The following ZNF385D variants were observed in gnomAD, a reference collection of about 807,000 sequenced individuals.
ZNF385D encodes the protein zinc finger protein 385D.
In ZNF385D, 15 loss-of-function variants were observed where a neutral mutation model predicts 35.8. The ratio of observed to expected loss-of-function variants is 0.42; its 90% CI spans 0.28 to 0.64. The LOEUF (loss-of-function observed/expected upper bound fraction) is 0.64, where lower values mean the gene tolerates loss of function less well. ZNF385D is among the 30% of genes least tolerant of loss of function. The pLI is 0.23. For synonymous variants in ZNF385D, 212 were observed against 186.8 expected (o/e 1.13, Z -1.10); for missense variants, 474 against 494.6 (o/e 0.96, Z 0.39).
chr3:21,915,574 C>T (rs1479967), intron 3 of ZNF385D, among the ~76,000 whole-genome samples: 81,031 of 151,564 alleles, frequency 0.53, 23,685 homozygotes, highest in South Asian at 0.66. Flanking sequence ...TTAGTGTTTA[C>T]GGTAAAGCAT....
At chr3:22,017,496 T>C (rs1696965002) in intron 3 of ZNF385D, among the ~76,000 whole-genome samples, 1 of 152,018 alleles carries the variant, frequency 6.6e-6, no homozygotes, top group Non-Finnish European at 1.5e-5. Flanking sequence ...ATCTCTGTAT[T>C]ATAACTAGAA....
chr3:21,587,793 G>A (rs2063854986), intron 2 of ZNF385D, among the ~76,000 whole-genome samples: 1 of 152,078 alleles, frequency 6.6e-6, no homozygotes. Context: ...TTCAGGGATG[G>A]CAGAGAAAAA....
In ZNF385D at chr3:21,864,116, T is replaced by C. The variant is rs145129430; in HGVS notation, c.326-199088A>G. 2.4e-4 allele frequency among the ~76,000 whole-genome samples: 36 copies of C among 152,074 alleles called. No individual in the cohort carries two copies. The East Asian group carries it at 7.0e-3, about 30-fold the overall frequency. On this transcript the variant is annotated intron_variant, in intron 3 of 5. Coordinates refer to the ZNF385D transcript ENST00000494108. Reference sequence around the variant, plus strand: ...ATATAGTTGTGTATTCAGTTTGTTTTTGTGTGTACATGCATACACAAAGGG... The same window carrying C: ...ATATAGTTGTGTATTCAGTTTGTTTCTGTGTGTACATGCATACACAAAGGG...
At chr3:22,194,920 A>T (rs1696308125) in intron 2 of ZNF385D, among the ~76,000 whole-genome samples, 1 of 151,842 alleles carries the variant, frequency 6.6e-6, no homozygotes, top group Non-Finnish European at 1.5e-5. Flanking sequence ...CGTTTTTCCA[A>T]ATTTTTGGTA....
chr3:21,725,095 C>T (rs2068703078), intron 1 of ZNF385D, among the ~76,000 whole-genome samples: 1 of 151,944 alleles, frequency 6.6e-6, no homozygotes, highest in Non-Finnish European at 1.5e-5. Context: ...GGATAAATAA[C>T]AAAATGAGGG....
chr3:21,795,037 G>C (rs1282766275), intron 3 of ZNF385D, among the ~76,000 whole-genome samples: 1 of 152,120 alleles, frequency 6.6e-6, no homozygotes, highest in Non-Finnish European at 1.5e-5. Context: ...GTTCAGTGTT[G>C]TATCAAATTA....
intron 2 of ZNF385D, among the ~76,000 whole-genome samples, chr3:22,247,365 T>C (rs1339505442): frequency 6.6e-6 from 1 of 152,066 alleles, no homozygotes; most frequent in Non-Finnish European, 1.5e-5. Flanking sequence ...ATATAACAAA[T>C]TTTCAACCAG....
chr3:22,224,225 T>C (rs1447306147), intron 2 of ZNF385D, among the ~76,000 whole-genome samples: 1 of 152,174 alleles, frequency 6.6e-6, no homozygotes, highest in Non-Finnish European at 1.5e-5. Context: ...AAGAAAGTGT[T>C]ATTTCATCCA....
At chr3:22,082,137 C>T (rs956359048) in intron 3 of ZNF385D, among the ~76,000 whole-genome samples, 6 of 151,878 alleles carry the variant, frequency 4.0e-5, no homozygotes, top group Non-Finnish European at 7.4e-5. Context: ...GAGTGATTGA[C>T]GCAGCAGATG....
At chr3:22,371,473 G>T (rs1696901710) in intron 2 of ZNF385D, among the ~76,000 whole-genome samples, 2 of 152,088 alleles carry the variant, frequency 1.3e-5, no homozygotes, top group Admixed American at 1.3e-4. Flanking sequence ...CAGAAACCAC[G>T]CATCACTCGT....
chr3:21,645,917 T>G (rs78373079), intron 2 of ZNF385D, among the ~76,000 whole-genome samples: 12,541 of 152,248 alleles, frequency 0.082, 595 homozygotes, highest in East Asian at 0.16. Context: ...TGTACTTGGT[T>G]ATTTTAAAAT....
chr3:21,912,547 G>A (rs1382507981), intron 3 of ZNF385D, among the ~76,000 whole-genome samples: 1 of 151,994 alleles, frequency 6.6e-6, no homozygotes, highest in Non-Finnish European at 1.5e-5. Context: ...GGCATTGTGT[G>A]CCATTCGAAG....
chr3:22,129,224 G>A (rs1703629493), intron 3 of ZNF385D, among the ~76,000 whole-genome samples: 1 of 152,274 alleles, frequency 6.6e-6, no homozygotes, highest in South Asian at 2.1e-4. Flanking sequence ...ACCTAGAGCT[G>A]GAGGAGTGGT....
chr3:21,909,381 C>A (rs1699850123), intron 3 of ZNF385D, among the ~76,000 whole-genome samples: 1 of 151,976 alleles, frequency 6.6e-6, no homozygotes, highest in East Asian at 1.9e-4. Context: ...CATTTTCCAC[C>A]ATGTCAGGGT....
chr3:22,261,572 T>G (rs535346152), intron 2 of ZNF385D, among the ~76,000 whole-genome samples: 1 of 152,136 alleles, frequency 6.6e-6, no homozygotes, highest in Non-Finnish European at 1.5e-5. Flanking sequence ...GCTCTGTGCC[T>G]GGAAACCTAG....
chr3:21,663,915 A>ATATATATATATATATATATTTATT lies in ZNF385D; in HGVS notation c.165+970_165+971insAATAAATATATATATATATATATA, dbSNP rs1159950305. Among the ~76,000 whole-genome samples the ATATATATATATATATATATTTATT allele has an allele frequency of 4.3e-3, 453 of 105,602 alleles. 2 individuals are homozygous for ATATATATATATATATATATTTATT. The highest frequency in any genetic ancestry group is 5.4e-3 in the Non-Finnish European group (281 of 51,852). 69.3% of individuals were successfully genotyped at this position (105,602 alleles called of 152,430 possible). On this transcript the variant is annotated intron_variant, in intron 2 of 7. Transcript: ENST00000281523. ...AATATATATATATATATATATATATATATTTATTTATTTAAATCCATCATG... is the reference window on the plus strand; with the variant it reads ...AATATATATATATATATATATATATATATATATATATATATATATTTATTTATTTATTTATTTAAATCCATCATG...
At chr3:22,160,125 C>T (rs1705852465) in intron 3 of ZNF385D, among the ~76,000 whole-genome samples, 1 of 152,024 alleles carries the variant, frequency 6.6e-6, no homozygotes, top group African/African-American at 2.4e-5. Context: ...TGATTGTAAG[C>T]TTCCTGAGGC....
chr3:22,342,479 C>T (rs980173325), intron 2 of ZNF385D, among the ~76,000 whole-genome samples: 2 of 151,918 alleles, frequency 1.3e-5, no homozygotes. Context: ...CTAGAATTGT[C>T]TCCTTTTTCA....
intron 3 of ZNF385D, among the ~76,000 whole-genome samples, chr3:21,864,671 C>A (rs1027673302): frequency 6.6e-6 from 1 of 152,058 alleles, no homozygotes; most frequent in African/African-American, 2.4e-5. Flanking sequence ...ATTGTTATAA[C>A]TCTAAAGTGA....
Sources: gnomAD v4.1 joint callset for allele counts (sites outside exome capture counted in the v4.1 genomes callset) on GRCh38, gnomAD v4.1.1 for gene constraint, MANE v1.5 for transcripts, NCBI Gene and HGNC (gene_info 2026-07-23, HGNC 2026-07-21) for gene names.